The following KCNJ3 variants were observed in gnomAD, a reference collection of about 807,000 sequenced individuals.
KCNJ3 encodes G protein-activated inward rectifier potassium channel 1.
A neutral mutation model predicts 39.2 loss-of-function variants in KCNJ3; 4 were observed. The observed-to-expected ratio is 0.10, with a 90% confidence interval of 0.05 to 0.23. KCNJ3 has a LOEUF of 0.23. Among genes scored for constraint, KCNJ3 ranks in the 10% least tolerant of loss-of-function variants. The pLI, the probability that KCNJ3 is intolerant of heterozygous loss-of-function variation, is 1.00. For synonymous variants in KCNJ3, 230 were observed against 237.4 expected, an observed-to-expected ratio of 0.97 and a Z score of 0.29; for missense variants, 276 against 634.9, an observed-to-expected ratio of 0.43 and a Z score of 6.08.
At chr2:154,756,598 C>T (rs1292126699) in intron 2 of KCNJ3, among the ~76,000 whole-genome samples, 1 of 151,470 alleles carries the variant, frequency 6.6e-6, no homozygotes, top group Non-Finnish European at 1.5e-5. Flanking sequence ...TCAACTCCCA[C>T]TTATTAGTGA....
chr2:154,703,277 A>G (rs1684941775), intron 1 of KCNJ3, among the ~76,000 whole-genome samples: 1 of 152,076 alleles, frequency 6.6e-6, no homozygotes, highest in Non-Finnish European at 1.5e-5. Flanking sequence ...TGAAACAAAA[A>G]GGTAAGGATT....
intron 2 of KCNJ3, among the ~76,000 whole-genome samples, chr2:154,763,236 A>G (rs1390710416): frequency 6.6e-6 from 1 of 152,124 alleles, no homozygotes; most frequent in Non-Finnish European, 1.5e-5. Context: ...GTCTGTGTCT[A>G]CCTAATAAGG....
intron 2 of KCNJ3, among the ~76,000 whole-genome samples, chr2:154,852,915 T>C (rs1687780010): frequency 6.6e-6 from 1 of 152,092 alleles, no homozygotes; most frequent in South Asian, 2.1e-4. Context: ...GTTTAAGTGA[T>C]AACTGAGTTC....
intron 1 of KCNJ3, among the ~76,000 whole-genome samples, chr2:154,705,394 C>T (rs1293921215): frequency 1.3e-5 from 2 of 152,080 alleles, no homozygotes; most frequent in Non-Finnish European, 2.9e-5. Flanking sequence ...AACAGTCGCC[C>T]TCTGTAATAT....
intron 2 of KCNJ3, among the ~76,000 whole-genome samples, chr2:154,752,574 T>A (rs1178988912): frequency 6.6e-6 from 1 of 152,044 alleles, no homozygotes; most frequent in African/African-American, 2.4e-5. Context: ...AAACTTTCTA[T>A]GATGATCCCA....
At chr2:154,848,702 T>G (rs149515008) in intron 2 of KCNJ3, among the ~76,000 whole-genome samples, 1 of 152,264 alleles carries the variant, frequency 6.6e-6, no homozygotes, top group East Asian at 1.9e-4. Flanking sequence ...TAATATAATT[T>G]TCAAGATTAG....
At chr2:154,789,170 G>A (rs12616121) in intron 2 of KCNJ3, among the ~76,000 whole-genome samples, 80,916 of 151,788 alleles carry the variant, frequency 0.53, 21,714 homozygotes, top group East Asian at 0.62. Context: ...AAAAGAAAAA[G>A]CACAAGGATA....
At chr2:154,838,721 A>C (rs887814547) in intron 2 of KCNJ3, among the ~76,000 whole-genome samples, 1 of 150,492 alleles carries the variant, frequency 6.6e-6, no homozygotes, top group Non-Finnish European at 1.5e-5. Flanking sequence ...GTAAAGCATG[A>C]CATTGTAAAG....
At chr2:154,734,122 T>A (rs1685485763) in intron 2 of KCNJ3, among the ~76,000 whole-genome samples, 1 of 152,228 alleles carries the variant, frequency 6.6e-6, no homozygotes, top group South Asian at 2.1e-4. Context: ...TCAAAATAAA[T>A]CTACTTCTAA....
intron 2 of KCNJ3, among the ~76,000 whole-genome samples, chr2:154,759,008 C>G (rs2105187295): frequency 6.6e-6 from 1 of 152,236 alleles, no homozygotes; most frequent in Non-Finnish European, 1.5e-5. Context: ...CCTCTAAAAA[C>G]AGAAAAACAA....
intron 2 of KCNJ3, among the ~76,000 whole-genome samples, chr2:154,782,709 G>A (rs1686459417): frequency 6.6e-6 from 1 of 152,064 alleles, no homozygotes; most frequent in African/African-American, 2.4e-5. Flanking sequence ...GAGTGATATG[G>A]TTTTCTCACA....
intron 2 of KCNJ3, among the ~76,000 whole-genome samples, chr2:154,723,156 G>T (rs571017331): frequency 1.3e-5 from 2 of 152,110 alleles, no homozygotes; most frequent in East Asian, 3.9e-4. Context: ...GTGGTGGCAC[G>T]TGCCTGTGAT....
chr2:154,813,569 A>C (rs1446915243), intron 2 of KCNJ3, among the ~76,000 whole-genome samples: 2 of 152,080 alleles, frequency 1.3e-5, no homozygotes, highest in African/African-American at 2.4e-5. Flanking sequence ...GGATATGGTA[A>C]TTTGCCACTT....
intron 2 of KCNJ3, among the ~76,000 whole-genome samples, chr2:154,799,754 G>GT (rs1196655417): frequency 6.6e-6 from 1 of 152,032 alleles, no homozygotes; most frequent in Non-Finnish European, 1.5e-5. Flanking sequence ...CACTTCCTAG[G>GT]TAATTCACCC....
At chr2:154,766,542 T>C (rs1184715283) in intron 2 of KCNJ3, among the ~76,000 whole-genome samples, 1 of 151,638 alleles carries the variant, frequency 6.6e-6, no homozygotes, top group Non-Finnish European at 1.5e-5. Flanking sequence ...ATATTATTTA[T>C]TTGTTTATTT....
chr2:154,785,364 T>C (rs1686509391), intron 2 of KCNJ3, among the ~76,000 whole-genome samples: 1 of 152,192 alleles, frequency 6.6e-6, no homozygotes, highest in African/African-American at 2.4e-5. Context: ...TCTTGCCTTG[T>C]CCTCACGTGA....
chr2:154,833,939 C>T (rs1446355087), intron 2 of KCNJ3, among the ~76,000 whole-genome samples: 2 of 152,064 alleles, frequency 1.3e-5, no homozygotes, highest in African/African-American at 4.8e-5. Flanking sequence ...CTACTGAAGG[C>T]ATCTCCATGG....
intron 2 of KCNJ3, among the ~76,000 whole-genome samples, chr2:154,735,404 G>A (rs916668679): frequency 1.3e-5 from 2 of 152,112 alleles, no homozygotes; most frequent in African/African-American, 4.8e-5. Flanking sequence ...GTGAGCCACG[G>A]AGCCCGGCCA....
chr2:154,758,550 A>G (rs1042282978), intron 2 of KCNJ3, among the ~76,000 whole-genome samples: 1 of 152,236 alleles, frequency 6.6e-6, no homozygotes, highest in Admixed American at 6.5e-5. Context: ...TTAGAAAACA[A>G]TGACTAGAAA....
Sources: gnomAD v4.1 joint callset for allele counts (sites outside exome capture counted in the v4.1 genomes callset) on GRCh38, gnomAD v4.1.1 for gene constraint, MANE v1.5 for transcripts, NCBI Gene and HGNC (gene_info 2026-07-23, HGNC 2026-07-21) for gene names.